GRID2: variants seen among roughly 807,000 people sequenced by gnomAD.
The protein encoded by GRID2 is glutamate receptor ionotropic, delta-2.
Under a neutral mutation model 114.8 loss-of-function variants are expected in GRID2, and 33 were observed. That is an observed-to-expected ratio of 0.29 (90% confidence interval 0.22 to 0.38). GRID2 has a LOEUF of 0.38. Ranked by LOEUF, GRID2 falls within the 10% of genes least tolerant of loss-of-function variation. The pLI, the probability that GRID2 is intolerant of heterozygous loss-of-function variation, is 1.00. For synonymous variants in GRID2, 505 were observed against 449.9 expected (o/e 1.12, Z -1.55); for missense variants, 1,184 against 1,257.7 (o/e 0.94, Z 0.89).
At chr4:93,199,898 A>G (rs1741889310) in intron 4 of GRID2, among the ~76,000 whole-genome samples, 1 of 152,192 alleles carries the variant, frequency 6.6e-6, no homozygotes, top group African/African-American at 2.4e-5. Context: ...TAAAGAAAAC[A>G]AGTGAAGAAA....
chr4:92,926,131 C>G (rs990437079), intron 2 of GRID2, among the ~76,000 whole-genome samples: 1 of 151,854 alleles, frequency 6.6e-6, no homozygotes, highest in Non-Finnish European at 1.5e-5. Flanking sequence ...TTATAAAACA[C>G]TTCTAATGGT....
At chr4:93,404,178 T>A (rs771931611) in intron 9 of GRID2, among the ~76,000 whole-genome samples, 1 of 152,208 alleles carries the variant, frequency 6.6e-6, no homozygotes, top group Non-Finnish European at 1.5e-5. Flanking sequence ...TAGACAAATC[T>A]ATAGGGACTC....
chr4:92,347,223 A>G (rs954465286), intron 1 of GRID2, among the ~76,000 whole-genome samples: 1 of 152,244 alleles, frequency 6.6e-6, no homozygotes, highest in African/African-American at 2.4e-5. Context: ...TTAAATAAAT[A>G]TATGACTAGA....
Position 93,140,221 on chromosome 4 carries a change from G to C in GRID2, c.735+29268G>C, listed in dbSNP as rs573467181. On this transcript the variant is annotated intron_variant, in intron 4 of 15. Transcript: ENST00000282020. Reference sequence around the variant, plus strand: ...TCACCCAGGCTCGAGTGCAGTGGCAGGACCACCGCTCACTGCAAGCTACGC... The same window carrying C: ...TCACCCAGGCTCGAGTGCAGTGGCACGACCACCGCTCACTGCAAGCTACGC... 1.9e-3 allele frequency among the ~76,000 whole-genome samples: 286 copies of C among 147,146 alleles called. 1 individual carries two copies. The highest frequency in any genetic ancestry group is 6.9e-3 in the African/African-American group (275 of 39,768).
chr4:93,417,074 A>G (rs927717242), intron 9 of GRID2, among the ~76,000 whole-genome samples: 1 of 152,104 alleles, frequency 6.6e-6, no homozygotes, highest in Admixed American at 6.6e-5. Flanking sequence ...ACTCTTTGAA[A>G]CTAATTGCTG....
At chr4:93,322,622 A>G (rs1202488865) in intron 8 of GRID2, among the ~76,000 whole-genome samples, 1 of 152,178 alleles carries the variant, frequency 6.6e-6, no homozygotes. Context: ...GAATCGCCAC[A>G]TTGTCTTCCA....
intron 1 of GRID2, among the ~76,000 whole-genome samples, chr4:92,490,724 T>C (rs1355730467): frequency 6.6e-6 from 1 of 152,154 alleles, no homozygotes; most frequent in Non-Finnish European, 1.5e-5. Context: ...ATGAGCTTTA[T>C]GGGGGATTTC....
intron 2 of GRID2, among the ~76,000 whole-genome samples, chr4:92,980,693 A>G (rs916831186): frequency 7.2e-5 from 11 of 152,100 alleles, no homozygotes; most frequent in Admixed American, 5.9e-4. Context: ...AGAAAAATAC[A>G]TTATTCTTCA....
At chr4:92,905,295 C>T (rs1747860944) in intron 2 of GRID2, among the ~76,000 whole-genome samples, 1 of 150,072 alleles carries the variant, frequency 6.7e-6, no homozygotes, top group Admixed American at 6.6e-5. Flanking sequence ...AAATTAATTC[C>T]ACACACAAGT....
At chr4:92,626,769 A>C (rs1241476189) in intron 2 of GRID2, among the ~76,000 whole-genome samples, 1 of 152,116 alleles carries the variant, frequency 6.6e-6, no homozygotes, top group African/African-American at 2.4e-5. Flanking sequence ...CAAAATCACA[A>C]AACAATTATC....
At chr4:93,537,722 T>C (rs1304795604) in intron 13 of GRID2, among the ~76,000 whole-genome samples, 1 of 151,788 alleles carries the variant, frequency 6.6e-6, no homozygotes, top group Admixed American at 6.6e-5. Flanking sequence ...TCCATTAGCC[T>C]TGTGGTCCTC....
At chr4:92,742,193 A>G (rs1366244990) in intron 2 of GRID2, among the ~76,000 whole-genome samples, 4 of 152,292 alleles carry the variant, frequency 2.6e-5, no homozygotes, top group African/African-American at 7.2e-5. Context: ...CAGATAGTAC[A>G]ATTTCTGTAA....
intron 13 of GRID2, among the ~76,000 whole-genome samples, chr4:93,616,855 C>T (rs563810545): frequency 1.2e-4 from 18 of 149,882 alleles, no homozygotes; most frequent in Admixed American, 8.0e-4. Context: ...ATTAGCCAGG[C>T]GTGGTGGTGG....
chr4:92,566,316 A>G (rs1210917055), intron 1 of GRID2, among the ~76,000 whole-genome samples: 4 of 151,974 alleles, frequency 2.6e-5, no homozygotes, highest in African/African-American at 9.7e-5. Flanking sequence ...ATGATGCCCC[A>G]GAGTCATTAT....
intron 2 of GRID2, among the ~76,000 whole-genome samples, chr4:93,022,779 A>G (rs1456311013): frequency 2.0e-5 from 3 of 151,406 alleles, no homozygotes; most frequent in Non-Finnish European, 4.4e-5. Context: ...ATTTTTTCTT[A>G]TTTTGTTCAA....
At position 92,641,822 on chromosome 4, in the gene GRID2, C is replaced by CCTAAGA; in HGVS notation, c.244+51537_244+51538insTAAGAC. Among the ~76,000 whole-genome samples the CCTAAGA allele has an allele frequency of 3.3e-5, 5 of 151,406 alleles. 1 individual carries two copies. Among genetic ancestry groups the CCTAAGA allele is most frequent in the African/African-American group, 1.2e-4 (5 of 41,356 alleles). On this transcript the variant is annotated intron_variant, in intron 2 of 15. Transcript: ENST00000282020. ...CTCCAGTAGTCTTCAGTGTCTATTCCCATTCTTAGGTCTATGTATGTTCAA... is the reference window on the plus strand; with the variant it reads ...CTCCAGTAGTCTTCAGTGTCTATTCCCTAAGACATTCTTAGGTCTATGTATGTTCAA...
chr4:92,759,000 A>G (rs1233054210), intron 2 of GRID2, among the ~76,000 whole-genome samples: 1 of 152,200 alleles, frequency 6.6e-6, no homozygotes, highest in African/African-American at 2.4e-5. Flanking sequence ...CAATTTTTAA[A>G]AAGTTTAACT....
At chr4:93,466,742 T>C (rs1159940854) in intron 11 of GRID2, among the ~76,000 whole-genome samples, 1 of 152,180 alleles carries the variant, frequency 6.6e-6, no homozygotes, top group Non-Finnish European at 1.5e-5. Flanking sequence ...GCCTCTGGAA[T>C]TGAATCCCAC....
chr4:93,196,318 G>A (rs976464161), intron 4 of GRID2, among the ~76,000 whole-genome samples: 2 of 152,154 alleles, frequency 1.3e-5, no homozygotes, highest in African/African-American at 4.8e-5. Flanking sequence ...AGCTTACTTT[G>A]AGAATGACAA....
Sources: allele counts gnomAD v4.1 joint callset (sites outside exome capture counted in the v4.1 genomes callset), GRCh38; gene constraint gnomAD v4.1.1; transcripts MANE v1.5; gene names NCBI Gene and HGNC (gene_info 2026-07-23, HGNC 2026-07-21).